The following COL25A1 variants were observed in gnomAD, a reference collection of about 807,000 sequenced individuals.
COL25A1 encodes the protein collagen type XXV alpha 1 chain, also known as collagen alpha-1(XXV) chain.
A neutral mutation model predicts 128.4 loss-of-function variants in COL25A1; 103 were observed. The observed-to-expected ratio is 0.80, with a 90% CI of 0.68 to 0.94. The LOEUF is 0.94. COL25A1 is among the 40% of genes least tolerant of loss of function. COL25A1 has a pLI of 0.00. For missense variants in COL25A1, 745 were observed against 840.0 expected, an observed-to-expected ratio of 0.89 and a Z score of 1.40; for synonymous variants, 279 against 277.2, an observed-to-expected ratio of 1.01 and a Z score of -0.06.
At chr4:108,934,254 T>C (rs987968532) in intron 11 of COL25A1, among the ~76,000 whole-genome samples, 5 of 151,072 alleles carry the variant, frequency 3.3e-5, no homozygotes, top group African/African-American at 4.9e-5. Flanking sequence ...AGACACTGCA[T>C]GTTCTCACTC....
At chr4:108,824,384 C>T (rs1732127230) in intron 34 of COL25A1, among the ~76,000 whole-genome samples, 157 bp from the exon 35 acceptor site, 1 of 152,274 alleles carries the variant, frequency 6.6e-6, no homozygotes, top group African/African-American at 2.4e-5. Context: ...TGCTTAGAAA[C>T]ATAAGTTTTC....
At chr4:109,239,863 C>A (rs1212287033) in intron 3 of COL25A1, among the ~76,000 whole-genome samples, 3 of 151,964 alleles carry the variant, frequency 2.0e-5, no homozygotes, top group African/African-American at 7.3e-5. Flanking sequence ...TCATAGACTT[C>A]CAATTTTTAA....
intron 6 of COL25A1, among the ~76,000 whole-genome samples, chr4:108,981,259 G>A (rs1456758930): frequency 6.6e-6 from 1 of 152,152 alleles, no homozygotes; most frequent in Non-Finnish European, 1.5e-5. Context: ...ACTAGAATGT[G>A]AACATGTGTT....
intron 3 of COL25A1, among the ~76,000 whole-genome samples, chr4:109,111,806 A>C (rs1767049713): frequency 6.6e-6 from 1 of 152,194 alleles, no homozygotes; most frequent in Non-Finnish European, 1.5e-5. Flanking sequence ...TCTTCAAAGG[A>C]AGACTGTAGT....
In COL25A1 at chr4:109,108,289, T is replaced by C. The variant is rs989957055; in HGVS notation, c.368-58110A>G. 2.6e-5 allele frequency among the ~76,000 whole-genome samples: 4 copies of C among 152,292 alleles called. No individual in the cohort carries two copies. The East Asian group carries it at 7.7e-4, about 29-fold the overall frequency. On this transcript the variant is annotated intron_variant, in intron 3 of 37. Transcript: ENST00000399132. ...AGTGAGAATATGCGGTGTTTGGTTT[T>C]TTGTCCTTGTGATAGTTTGCTGAGA... is the stretch of plus-strand genomic sequence containing the variant.
rs116443816 is a variant in COL25A1 at position 108,901,828 on chromosome 4, A to G, written c.781-656T>C. Among the ~76,000 whole-genome samples, 1,138 of 152,176 alleles carry G rather than the reference A, an allele frequency of 7.5e-3. 9 individuals are homozygous for G. The highest frequency in any genetic ancestry group is 0.026 in the African/African-American group (1,064 of 41,560). ...AGGCTAGAAAAATTTCCTATTTCAG[A>G]AAGATGATGATGTATACCAGTCTTT... On this transcript the variant is annotated intron_variant, in intron 13 of 37. Transcript: ENST00000399132.
intron 3 of COL25A1, among the ~76,000 whole-genome samples, chr4:109,158,556 T>C (rs1488730918): frequency 6.6e-6 from 1 of 152,152 alleles, no homozygotes; most frequent in East Asian, 1.9e-4. Context: ...TAGGAGCAAA[T>C]CTGGGCTCCA....
At chr4:109,021,771 C>A (rs998536476) in intron 5 of COL25A1, 12 of 453,238 alleles carry the variant, frequency 2.6e-5, no homozygotes, top group African/African-American at 6.0e-5. Context: ...GAATTGCATT[C>A]CTGGGGGCAG....
intron 3 of COL25A1, among the ~76,000 whole-genome samples, chr4:109,085,452 G>A (rs568720172): frequency 2.6e-5 from 4 of 152,060 alleles, no homozygotes; most frequent in South Asian, 4.2e-4. Flanking sequence ...CACTTACTCC[G>A]TCTCAATTTA....
chr4:108,824,828 C>T (rs2125714853), intron 34 of COL25A1, among the ~76,000 whole-genome samples: 1 of 152,068 alleles, frequency 6.6e-6, no homozygotes, highest in Middle Eastern at 3.4e-3. Context: ...TGCATAACTG[C>T]TTTGAGAAAA....
chr4:109,174,007 A>G (rs1773831573), intron 3 of COL25A1, among the ~76,000 whole-genome samples: 2 of 152,102 alleles, frequency 1.3e-5, no homozygotes, highest in South Asian at 4.1e-4. Context: ...TAGATTTGGG[A>G]TGCTCAATCT....
intron 3 of COL25A1, among the ~76,000 whole-genome samples, chr4:109,236,214 T>C (rs926195910): frequency 6.6e-6 from 1 of 152,074 alleles, no homozygotes; most frequent in Non-Finnish European, 1.5e-5. Flanking sequence ...TTTTGTAATA[T>C]CACTTTAAAT....
At chr4:109,070,229 C>G (rs375983995) in intron 3 of COL25A1, among the ~76,000 whole-genome samples, 32 of 150,744 alleles carry the variant, frequency 2.1e-4, no homozygotes, top group African/African-American at 7.1e-4. Context: ...GCCTGGGAGA[C>G]AGAGCGAGAC....
intron 3 of COL25A1, among the ~76,000 whole-genome samples, chr4:109,181,533 C>T (rs1774629319): frequency 6.6e-6 from 1 of 151,902 alleles, no homozygotes; most frequent in South Asian, 2.1e-4. Flanking sequence ...AGAACAATAG[C>T]TAAATTTCCA....
At chr4:108,863,452 A>C in intron 20 of COL25A1, 65 bp from the exon 21 acceptor site, 1 of 1,363,728 alleles carries the variant, frequency 7.3e-7, no homozygotes, top group Non-Finnish European at 1.0e-6. Context: ...CTGTAGATTA[A>C]TAAATGAGTT....
chr4:109,022,767 A>G (rs549737168), intron 5 of COL25A1, among the ~76,000 whole-genome samples: 2 of 152,308 alleles, frequency 1.3e-5, no homozygotes, highest in African/African-American at 4.8e-5. Flanking sequence ...GCTTATTCTG[A>G]AAGTATACAC....
intron 3 of COL25A1, among the ~76,000 whole-genome samples, chr4:109,182,557 A>G (rs1774758560): frequency 6.6e-6 from 1 of 152,154 alleles, no homozygotes; most frequent in Non-Finnish European, 1.5e-5. Context: ...GGTTTCAGCA[A>G]TCTTCTGGTG....
chr4:108,845,118 G>T (rs1450958815), intron 29 of COL25A1, 71 bp downstream of exon 29: 4 of 1,278,166 alleles, frequency 3.1e-6, no homozygotes, highest in Non-Finnish European at 4.6e-6. Flanking sequence ...GGCAGAGGTG[G>T]AATAGGTAAG....
At chr4:108,891,264 G>A (rs1442060464) in intron 16 of COL25A1, among the ~76,000 whole-genome samples, 2 of 152,132 alleles carry the variant, frequency 1.3e-5, no homozygotes, top group African/African-American at 2.4e-5. Context: ...TAAGTAAACC[G>A]ATAGTTATGT....
Sources: allele counts gnomAD v4.1 joint callset (sites outside exome capture counted in the v4.1 genomes callset), GRCh38; gene constraint gnomAD v4.1.1; transcripts MANE v1.5; gene names NCBI Gene and HGNC (gene_info 2026-07-23, HGNC 2026-07-21).